Variants in ANKRD30A observed in about 807,000 individuals in gnomAD.
ANKRD30A encodes ankyrin repeat domain-containing protein 30A.
ANKRD30A carries 170 observed loss-of-function variants against 166.3 expected under a neutral mutation model. That is an observed-to-expected ratio of 1.02 (90% CI 0.90 to 1.16). The LOEUF is 1.16. ANKRD30A is among the 50% of genes most tolerant of loss of function. The pLI is 0.00. For synonymous variants in ANKRD30A, 564 were observed against 508.9 expected (o/e 1.11, Z -1.46); for missense variants, 1,630 against 1,518.0 (o/e 1.07, Z -1.23).
At chr10:37,162,422 C>G (rs574613064) in intron 15 of ANKRD30A, among the ~76,000 whole-genome samples, 1 of 152,282 alleles carries the variant, frequency 6.6e-6, no homozygotes, top group African/African-American at 2.4e-5. Context: ...CACAATCTCG[C>G]TTTTGAAGTC....
chr10:37,148,327 GAGA>G (rs1275272773), intron 9 of ANKRD30A, among the ~76,000 whole-genome samples: 2 of 152,012 alleles, frequency 1.3e-5, no homozygotes, highest in Non-Finnish European at 2.9e-5. Flanking sequence ...CTTTTAGCCA[GAGA>G]AGAAGAATAA....
the ANKRD30A span, among the ~76,000 whole-genome samples, chr10:37,265,732 A>C: frequency 1.3e-5 from 2 of 152,232 alleles, no homozygotes; most frequent in East Asian, 1.9e-4. Flanking sequence ...ATGCTGGGGC[A>C]CAGAACCCAG....
At chr10:37,184,074 C>G (rs1384975653) in intron 24 of ANKRD30A, among the ~76,000 whole-genome samples, 12 of 151,380 alleles carry the variant, frequency 7.9e-5, no homozygotes, top group African/African-American at 2.9e-4. Context: ...GGAGCTTGGT[C>G]TGAGTAGCAA....
intron 34 of ANKRD30A, among the ~76,000 whole-genome samples, chr10:37,225,059 A>G (rs996395877): frequency 2.6e-5 from 4 of 151,372 alleles, no homozygotes; most frequent in African/African-American, 9.7e-5. Context: ...TTATATTAAC[A>G]TATTAGGTTG....
chr10:37,244,201 G>T, the ANKRD30A span, among the ~76,000 whole-genome samples: 1 of 152,106 alleles, frequency 6.6e-6, no homozygotes, highest in Non-Finnish European at 1.5e-5. Context: ...GTTAATGCTG[G>T]TCAGTGATTT....
chr10:37,129,971 CG>C lies in ANKRD30A; in HGVS notation c.301del (p.Val101SerfsTer10). The C allele has an allele frequency of 6.3e-7, 1 of 1,577,038 alleles. No individual in the cohort carries two copies. The highest frequency in any genetic ancestry group is 1.7e-5 in the Admixed American group (1 of 57,568). ...FLVDRKCQLD[V>X]LDGEHRTPLM... ...TGGTAGACAGAAAGTGCCAGCTTGA[CG>C]TCCTTGATGGCGAACACAGGACACC... On this transcript the variant is annotated frameshift_variant, in exon 2 of 36. Transcript: ENST00000361713. LOFTEE classifies it high-confidence loss of function.
chr10:37,183,294 T>C (rs1840158451), intron 24 of ANKRD30A, among the ~76,000 whole-genome samples: 1 of 146,288 alleles, frequency 6.8e-6, no homozygotes, highest in Admixed American at 6.9e-5. Context: ...TTACACTTTT[T>C]AGAAAATATC....
chr10:37,203,821 A>G (rs953384804), intron 31 of ANKRD30A, among the ~76,000 whole-genome samples: 1 of 152,260 alleles, frequency 6.6e-6, no homozygotes, highest in Admixed American at 6.5e-5. Context: ...TGCAAAAATC[A>G]CAAGCACTCT....
At chr10:37,265,087 C>T in the ANKRD30A span, among the ~76,000 whole-genome samples, 2 of 152,166 alleles carry the variant, frequency 1.3e-5, no homozygotes, top group Admixed American at 1.3e-4. Context: ...TCTAACAGCT[C>T]TATGAACCAG....
chr10:37,130,476 C>T (rs1836318007), intron 3 of ANKRD30A, 98 bp downstream of exon 3: 2 of 953,380 alleles, frequency 2.1e-6, no homozygotes, highest in East Asian at 3.3e-5. Flanking sequence ...TCAAACATTC[C>T]TTGAATGAAA....
intron 27 of ANKRD30A, among the ~76,000 whole-genome samples, chr10:37,197,046 C>G (rs1327271386): frequency 6.6e-6 from 1 of 152,166 alleles, no homozygotes; most frequent in African/African-American, 2.4e-5. Context: ...ACGTGAAACA[C>G]AATCTCGCTC....
chr10:37,256,269 T>A, the ANKRD30A span, among the ~76,000 whole-genome samples: 1 of 152,322 alleles, frequency 6.6e-6, no homozygotes, highest in South Asian at 2.1e-4. Flanking sequence ...ATTATGCTTT[T>A]TTATTTAGAC....
chr10:37,159,723 T>G (rs921623710), intron 15 of ANKRD30A, among the ~76,000 whole-genome samples: 5 of 152,174 alleles, frequency 3.3e-5, no homozygotes, highest in Admixed American at 6.5e-5. Context: ...TTGTTTTTGT[T>G]TTTTTGAGAT....
chr10:37,139,177 G>A (rs1418779908), intron 6 of ANKRD30A, among the ~76,000 whole-genome samples: 2 of 152,238 alleles, frequency 1.3e-5, no homozygotes, highest in East Asian at 3.8e-4. Flanking sequence ...AGCAAATGCT[G>A]AGAGATTTTG....
In ANKRD30A at chr10:37,199,746, A is replaced by G. The variant is rs376338518; in HGVS notation, c.2736A>G (p.Glu912=). 3.2e-5 allele frequency: 50 copies of G among 1,580,466 alleles called. No individual in the cohort carries two copies. The highest frequency in any genetic ancestry group is 3.9e-5 in the Non-Finnish European group (45 of 1,156,484). Residue 912 remains glutamate, a synonymous_variant, in exon 30 of 36, where the codon GAA becomes GAG. Transcript: ENST00000361713. ...TTATAGATCAGATGTTCCCTTCAGAATCAAAACAAAAGAAGGTTGAAGAAA... is the reference window on the plus strand; with the variant it reads ...TTATAGATCAGATGTTCCCTTCAGAGTCAAAACAAAAGAAGGTTGAAGAAA... ...TLRADQMFPS[E]SKQKKVEENS...
At chr10:37,154,590 A>G (rs1484631743) in intron 13 of ANKRD30A, among the ~76,000 whole-genome samples, 1 of 152,206 alleles carries the variant, frequency 6.6e-6, no homozygotes, top group East Asian at 1.9e-4. Flanking sequence ...AGATACTACC[A>G]CTAAACAAAA....
the ANKRD30A span, among the ~76,000 whole-genome samples, chr10:37,241,729 T>C: frequency 1.3e-5 from 2 of 152,174 alleles, no homozygotes; most frequent in African/African-American, 4.8e-5. Context: ...TTTATGTAAT[T>C]TTAAGTGCTG....
At chr10:37,221,815 A>G (rs1316388080) in intron 34 of ANKRD30A, among the ~76,000 whole-genome samples, 1 of 151,280 alleles carries the variant, frequency 6.6e-6, no homozygotes, top group African/African-American at 2.4e-5. Flanking sequence ...TTAATCAGAG[A>G]AGAATGTATA....
chr10:37,165,010 G>A, intron 17 of ANKRD30A, 84 bp from the exon 18 acceptor site: 1 of 1,386,808 alleles, frequency 7.2e-7, no homozygotes, highest in Non-Finnish European at 1.0e-6. Flanking sequence ...ACAGATTCGT[G>A]AATGAAAGTA....
Sources: gnomAD v4.1 joint callset for allele counts (sites outside exome capture counted in the v4.1 genomes callset) on GRCh38, gnomAD v4.1.1 for gene constraint, MANE v1.5 for transcripts, NCBI Gene and HGNC (gene_info 2026-07-23, HGNC 2026-07-21) for gene names.